Variants in CDH23 observed in about 807,000 individuals in gnomAD.
CDH23 encodes the protein cadherin related 23.
A neutral mutation model predicts 317.1 loss-of-function variants in CDH23; 189 were observed. That is an observed-to-expected ratio of 0.60 (90% CI 0.53 to 0.67). The LOEUF (loss-of-function observed/expected upper bound fraction) is 0.67. CDH23 is among the 30% of genes least tolerant of loss of function. CDH23 has a pLI of 0.00. For synonymous variants in CDH23, 1,839 were observed against 1,876.8 expected (o/e 0.98, Z 0.52); for missense variants, 4,401 against 4,592.4 (o/e 0.96, Z 1.20).
intron 3 of CDH23, among the ~76,000 whole-genome samples, chr10:71,464,906 C>T (rs79483599): frequency 0.014 from 2,138 of 152,304 alleles, 59 homozygotes; most frequent in African/African-American, 0.049. Context: ...CCATAGAGCT[C>T]ATGAGAGCTG....
chr10:71,706,812 G>A (rs1297326535), intron 25 of CDH23, 85 bp from the exon 26 acceptor site: 1 of 1,504,092 alleles, frequency 6.6e-7, no homozygotes. Context: ...TTCCCTACTT[G>A]GTCTGGTGCT....
rs562615110 is a variant in CDH23, at chr10:71,790,518, C to A, written c.6049+105C>A. On this transcript the variant is annotated intron_variant, in intron 46 of 69. Coordinates refer to ENST00000224721, the MANE Select transcript of CDH23 (RefSeq NM_022124.6). ...TTCTCAGTGCTGGACCCAGGCTGTC[C>A]GTGGAGACCCCATTTTTCACAGCCC... 2.8e-6 allele frequency: 4 copies of A among 1,411,604 alleles called. No individual in the cohort carries two copies. The South Asian group carries it at 5.4e-5, about 19-fold the overall frequency. 87.4% of individuals were successfully genotyped at this position (1,411,604 alleles called of 1,614,324 possible).
chr10:71,742,849 T>C (rs1839774141), intron 38 of CDH23, among the ~76,000 whole-genome samples: 1 of 152,234 alleles, frequency 6.6e-6, no homozygotes, highest in African/African-American at 2.4e-5. Flanking sequence ...TTCTGCAGGC[T>C]GGCAATCTGG....
intron 3 of CDH23, among the ~76,000 whole-genome samples, chr10:71,451,213 C>G (rs10999814): frequency 0.36 from 54,964 of 151,964 alleles, 12,379 homozygotes; most frequent in Non-Finnish European, 0.49. Flanking sequence ...AGGTCCAAGC[C>G]CAGTTACCCC....
chr10:71,446,427 G>A (rs755540063), intron 3 of CDH23, 32 bp downstream of exon 3: 3 of 1,603,466 alleles, frequency 1.9e-6, no homozygotes, highest in South Asian at 2.2e-5. Flanking sequence ...TGGGCGTGCA[G>A]ATGGCCTGGG....
In CDH23 at chr10:71,694,220, C is replaced by T. The variant is rs755494232; in HGVS notation, c.2250C>T (p.Asp750=). 7.4e-6 allele frequency: 12 copies of T among 1,613,294 alleles called. No individual in the cohort carries two copies. The highest frequency in any genetic ancestry group is 6.7e-5 in the African/African-American group (5 of 74,858). The change falls in exon 21 of 70, where the codon GAC becomes GAT. Residue 750 remains aspartate (D), a synonymous_variant. Coordinates refer to ENST00000224721, the MANE Select transcript of CDH23 (RefSeq NM_022124.6). ...ACATCCTCATCGTTCGCGCAGTGGA[C>T]GGGGGTGTGGGCCACAACCAGAAAA... ...SEYILIVRAV[D]GGVGHNQKTG...
At chr10:71,729,983 C>T (rs979190015) in intron 30 of CDH23, among the ~76,000 whole-genome samples, 11 of 151,892 alleles carry the variant, frequency 7.2e-5, no homozygotes, top group South Asian at 4.2e-4. Context: ...TACAGGCGCC[C>T]GCCACCACGC....
At chr10:71,753,353 G>A (rs1169263343) in intron 38 of CDH23, among the ~76,000 whole-genome samples, 6 of 152,224 alleles carry the variant, frequency 3.9e-5, no homozygotes, top group Admixed American at 2.6e-4. Flanking sequence ...TTTAAGTATC[G>A]AGCAAAGGTC....
At position 71,397,348 on chromosome 10, in the gene CDH23, T is replaced by C. The variant is rs1472579999; in HGVS notation, c.-6+30T>C. ...CCGGAGCCACGCACCGCCTCTTCCC[T>C]CCTCGCTTCCCTCTCCTTCCCCTCG... On this transcript the variant is annotated intron_variant, in intron 1 of 69. Coordinates refer to ENST00000224721, the MANE Select transcript of CDH23 (RefSeq NM_022124.6). This position sits in a 1 kb window ranked among gnomAD's most constrained non-coding sequence, Gnocchi z 4.8. 4 of 152,124 alleles carry C rather than the reference T, an allele frequency of 2.6e-5. No individual in the cohort carries two copies. Among genetic ancestry groups the C allele is most frequent in the Admixed American group, 6.6e-5 (1 of 15,208 alleles). 9.4% of individuals were successfully genotyped at this position (152,124 alleles called of 1,614,324 possible). A position where few individuals can be genotyped will look rare whatever the true frequency, so the allele number is the denominator to read the frequency against.
At chr10:71,572,602 C>T (rs566325753) in intron 8 of CDH23, among the ~76,000 whole-genome samples, 6 of 152,304 alleles carry the variant, frequency 3.9e-5, no homozygotes, top group African/African-American at 9.6e-5. Context: ...CCTCTCCGCC[C>T]CTGTGCCTGC....
intron 9 of CDH23, among the ~76,000 whole-genome samples, chr10:71,608,453 G>A (rs752652185): frequency 4.6e-5 from 7 of 152,108 alleles, no homozygotes; most frequent in East Asian, 1.9e-4. Flanking sequence ...CTAAGATCCC[G>A]AGCTCCTCAT....
chr10:71,635,566 A>G (rs1862228767), intron 11 of CDH23, among the ~76,000 whole-genome samples: 1 of 152,100 alleles, frequency 6.6e-6, no homozygotes, highest in African/African-American at 2.4e-5. Flanking sequence ...GGAATTCAGC[A>G]GATAACCTGC....
intron 41 of CDH23, among the ~76,000 whole-genome samples, chr10:71,780,640 T>G (rs1840927739): frequency 6.6e-6 from 1 of 152,088 alleles, no homozygotes; most frequent in South Asian, 2.1e-4. Context: ...TTGAGGGGCA[T>G]CATGAGGGCG....
rs1856388828 is a variant in CDH23 at position 71,548,174 on chromosome 10, A to G, written c.430-18568A>G. ...GGATTGGGGAGGGAGCCCAGGGGAC[A>G]GGGCCACAGCCTGCGGGGGCCTGCT... On this transcript the variant is annotated intron_variant, in intron 6 of 69. Transcript: ENST00000224721. 2.0e-5 allele frequency among the ~76,000 whole-genome samples: 3 copies of G among 152,342 alleles called. No homozygotes were observed. The South Asian group carries it at 6.2e-4, about 32-fold the overall frequency.
chr10:71,636,110 G>A (rs147913340), intron 11 of CDH23, among the ~76,000 whole-genome samples: 39 of 152,234 alleles, frequency 2.6e-4, no homozygotes, highest in Non-Finnish European at 4.3e-4. Context: ...AAATGAGGGC[G>A]AGATAAAGAG....
intron 11 of CDH23, among the ~76,000 whole-genome samples, chr10:71,633,885 G>A (rs532929433): frequency 5.3e-5 from 8 of 152,298 alleles, no homozygotes; most frequent in African/African-American, 1.9e-4. Flanking sequence ...AGGAAAGGTG[G>A]AATCACTCTT....
intron 11 of CDH23, among the ~76,000 whole-genome samples, chr10:71,621,182 A>T (rs1215078599): frequency 6.6e-6 from 1 of 152,262 alleles, no homozygotes; most frequent in African/African-American, 2.4e-5. Flanking sequence ...GTTTCTTGCC[A>T]GTCCATTTCT....
intron 28 of CDH23, chr10:71,715,605 A>T (rs551177370): frequency 2.6e-5 from 6 of 233,088 alleles, no homozygotes; most frequent in African/African-American, 4.5e-5. Flanking sequence ...GTGGCGAGCG[A>T]GGGTGCTGCT....
intron 48 of CDH23, chr10:71,794,415 T>G (rs1239536745): frequency 6.6e-6 from 1 of 152,286 alleles, no homozygotes; most frequent in Non-Finnish European, 1.5e-5. Context: ...ATGATTTTCT[T>G]ACACTATCAC....
Sources: allele counts gnomAD v4.1 joint callset (sites outside exome capture counted in the v4.1 genomes callset), GRCh38; gene constraint gnomAD v4.1.1; non-coding constraint Gnocchi (gnomAD v3.1); transcripts MANE v1.5; gene names NCBI Gene and HGNC (gene_info 2026-07-23, HGNC 2026-07-21).